ABTB2: variants seen among roughly 807,000 people sequenced by gnomAD.
ABTB2 encodes ankyrin repeat and BTB domain containing 2.
ABTB2 carries 56 observed loss-of-function variants against 104.1 expected under a neutral mutation model. The observed-to-expected ratio is 0.54, with a 90% CI of 0.43 to 0.67. ABTB2 has a LOEUF of 0.67. Ranked by LOEUF, ABTB2 falls within the 30% of genes least tolerant of loss-of-function variation. The pLI, the probability that ABTB2 is intolerant of heterozygous loss-of-function variation, is 0.00. For synonymous variants in ABTB2, 606 were observed against 608.2 expected (o/e 1.00, Z 0.05); for missense variants, 1,279 against 1,407.7 (o/e 0.91, Z 1.46).
At chr11:34,258,933 AC>A (rs1393439362) in intron 1 of ABTB2, among the ~76,000 whole-genome samples, 1 of 151,876 alleles carries the variant, frequency 6.6e-6, no homozygotes, top group African/African-American at 2.4e-5. Context: ...GAAGTGTAGT[AC>A]ATATGCGTGT....
chr11:34,216,749 T>C (rs1478608336), intron 1 of ABTB2, among the ~76,000 whole-genome samples: 1 of 151,952 alleles, frequency 6.6e-6, no homozygotes, highest in African/African-American at 2.4e-5. Context: ...CGAAATTCCA[T>C]CTCAAAAAGA....
chr11:34,352,527 T>A (rs973163559), intron 1 of ABTB2, among the ~76,000 whole-genome samples: 2 of 152,256 alleles, frequency 1.3e-5, no homozygotes, highest in African/African-American at 4.8e-5. Flanking sequence ...GTTCATCACT[T>A]AGTCCACAGC....
At chr11:34,163,543 C>T (rs1179959283) in intron 9 of ABTB2, among the ~76,000 whole-genome samples, 2 of 152,212 alleles carry the variant, frequency 1.3e-5, no homozygotes, top group East Asian at 3.8e-4. Context: ...CAGGCTCATT[C>T]TGTCACCTCC....
intron 13 of ABTB2, 74 bp from the exon 14 acceptor site, chr11:34,159,460 G>A: frequency 1.0e-6 from 1 of 955,616 alleles, no homozygotes; most frequent in Non-Finnish European, 1.7e-6. Context: ...GGCACCATCT[G>A]TCACCTGACC....
intron 1 of ABTB2, among the ~76,000 whole-genome samples, chr11:34,230,514 C>G (rs2133056600): frequency 6.6e-6 from 1 of 152,264 alleles, no homozygotes; most frequent in South Asian, 2.1e-4. Context: ...AAAATGGTAC[C>G]TGGAACAAGG....
At chr11:34,177,461 T>C (rs187536721) in intron 3 of ABTB2, among the ~76,000 whole-genome samples, 10 of 152,314 alleles carry the variant, frequency 6.6e-5, no homozygotes, top group Non-Finnish European at 4.4e-5. Context: ...CATTAAGATA[T>C]GCTGCATGAA....
chr11:34,167,587 G>A (rs1253272546), intron 6 of ABTB2, among the ~76,000 whole-genome samples: 3 of 152,182 alleles, frequency 2.0e-5, no homozygotes, highest in African/African-American at 7.2e-5. Flanking sequence ...TCAGAGGGAG[G>A]CAGAGCTAGA....
At chr11:34,315,961 C>T (rs72914586) in intron 1 of ABTB2, among the ~76,000 whole-genome samples, 6 of 152,310 alleles carry the variant, frequency 3.9e-5, no homozygotes, top group South Asian at 2.1e-4. Context: ...AACCAGTCAT[C>T]GTCAAACTGC....
At chr11:34,305,478 G>A (rs957600002) in intron 1 of ABTB2, among the ~76,000 whole-genome samples, 2 of 152,188 alleles carry the variant, frequency 1.3e-5, no homozygotes, top group African/African-American at 4.8e-5. Flanking sequence ...GCCAGTCAAC[G>A]GGGCGATTAT....
chr11:34,342,438 C>T (rs1282597187), intron 1 of ABTB2, among the ~76,000 whole-genome samples: 8 of 152,168 alleles, frequency 5.3e-5, no homozygotes, highest in East Asian at 3.8e-4. Flanking sequence ...GCATGTGCTT[C>T]GTCCCCACCC....
At chr11:34,328,634 TC>T (rs1855096522) in intron 1 of ABTB2, among the ~76,000 whole-genome samples, 1 of 152,226 alleles carries the variant, frequency 6.6e-6, no homozygotes, top group Non-Finnish European at 1.5e-5. Flanking sequence ...CTTTTTGTTC[TC>T]CATGATGCCT....
chr11:34,187,092 C>A (rs1853110588), intron 3 of ABTB2, among the ~76,000 whole-genome samples: 1 of 152,206 alleles, frequency 6.6e-6, no homozygotes, highest in African/African-American at 2.4e-5. Context: ...AGTCTGCTCG[C>A]TATAAATGGG....
At chr11:34,193,625 G>A (rs1401670417) in intron 3 of ABTB2, among the ~76,000 whole-genome samples, 1 of 152,246 alleles carries the variant, frequency 6.6e-6, no homozygotes, top group Admixed American at 6.5e-5. Context: ...ACTTGCTGAA[G>A]TTCTTTGGGC....
At chr11:34,188,568 C>A (rs1330040434) in intron 3 of ABTB2, among the ~76,000 whole-genome samples, 1 of 152,130 alleles carries the variant, frequency 6.6e-6, no homozygotes, top group East Asian at 1.9e-4. Context: ...CACCCAATAG[C>A]TATTCTTATT....
rs747476865 is a variant in ABTB2 at position 34,161,095 on chromosome 11, G to A, written c.2219-14C>T. 7 of 1,595,314 alleles carry A rather than the reference G, an allele frequency of 4.4e-6. No homozygotes were observed. The South Asian group carries it at 6.7e-5, about 15-fold the overall frequency. On this transcript the variant is annotated splice_polypyrimidine_tract_variant and intron_variant, in intron 10 of 16. Coordinates refer to ENST00000435224, the MANE Select transcript of ABTB2 (RefSeq NM_145804.3). ...TCCAGGGGACTCCTGGTCCAGGCAG[G>A]GAAGGGCAGGCAGTCACGCACCACA... is the stretch of plus-strand genomic sequence containing the variant.
intron 10 of ABTB2, 96 bp downstream of exon 10, chr11:34,162,480 C>A: frequency 7.4e-7 from 1 of 1,349,018 alleles, no homozygotes; most frequent in Non-Finnish European, 1.0e-6. Flanking sequence ...CCCTGCAGGC[C>A]CTGGCCCTCT....
intron 1 of ABTB2, among the ~76,000 whole-genome samples, chr11:34,318,470 C>T (rs1854966420): frequency 6.6e-6 from 1 of 152,148 alleles, no homozygotes; most frequent in Non-Finnish European, 1.5e-5. Flanking sequence ...AACCCAGAGA[C>T]CATCTAGAAA....
At chr11:34,225,719 C>T (rs1853677675) in intron 1 of ABTB2, among the ~76,000 whole-genome samples, 1 of 152,074 alleles carries the variant, frequency 6.6e-6, no homozygotes. Flanking sequence ...CGCGCCATTG[C>T]ACTCTAGCCT....
chr11:34,297,805 A>T (rs1854642665), intron 1 of ABTB2, among the ~76,000 whole-genome samples: 1 of 151,146 alleles, frequency 6.6e-6, no homozygotes, highest in Non-Finnish European at 1.5e-5. Flanking sequence ...GGAAAGAAAA[A>T]GAAAAAAACA....
Sources: gnomAD v4.1 joint callset for allele counts (sites outside exome capture counted in the v4.1 genomes callset) on GRCh38, gnomAD v4.1.1 for gene constraint, MANE v1.5 for transcripts, NCBI Gene and HGNC (gene_info 2026-07-23, HGNC 2026-07-21) for gene names.